TEX9: variants seen among roughly 807,000 people sequenced by gnomAD.
TEX9 encodes testis expressed 9.
A neutral mutation model predicts 59.6 loss-of-function variants in TEX9; 74 were observed. The ratio of observed to expected loss-of-function variants is 1.24; its 90% CI spans 1.03 to 1.51. The LOEUF (loss-of-function observed/expected upper bound fraction) is 1.51. Among genes scored for constraint, TEX9 ranks in the 40% most tolerant of loss-of-function variants. The pLI is 0.00. For missense variants in TEX9, 522 were observed against 447.8 expected (o/e 1.17, Z -1.49); for synonymous variants, 186 against 152.2 (o/e 1.22, Z -1.64).
the TEX9 span, among the ~76,000 whole-genome samples, chr15:56,458,924 C>G: frequency 6.6e-6 from 1 of 152,124 alleles, no homozygotes; most frequent in Non-Finnish European, 1.5e-5. Context: ...AACATTTGTG[C>G]TATGGCAGCT....
At position 56,384,044 on chromosome 15, in the gene TEX9, A is replaced by C; in HGVS notation, c.263+13A>C. On this transcript the variant is annotated intron_variant, in intron 4 of 12. Transcript: ENST00000352903. ...ATTACAGTTTAAGGTAAGTATCTTA[A>C]ATTCTCAAGCACCTTCTTTTAAAAG... 1 of 1,597,176 alleles carries C rather than the reference A, an allele frequency of 6.3e-7. No individual in the cohort carries two copies. The highest frequency in any genetic ancestry group is 2.2e-5 in the East Asian group (1 of 44,724).
intron 1 of TEX9, among the ~76,000 whole-genome samples, chr15:56,274,008 T>A (rs1444605445): frequency 6.6e-6 from 1 of 152,170 alleles, no homozygotes; most frequent in East Asian, 1.9e-4. Flanking sequence ...ATGTTAACCA[T>A]CTTCAACCAA....
intron 7 of TEX9, among the ~76,000 whole-genome samples, chr15:56,393,023 TA>T (rs1275371403): frequency 1.3e-5 from 2 of 152,128 alleles, no homozygotes; most frequent in African/African-American, 4.8e-5. Flanking sequence ...TTTGTAAGAT[TA>T]AAGCTAGGGT....
chr15:56,272,280 C>G (rs193146443), intron 1 of TEX9, among the ~76,000 whole-genome samples: 2 of 152,196 alleles, frequency 1.3e-5, no homozygotes, highest in African/African-American at 4.8e-5. Flanking sequence ...TTCCAATTCT[C>G]CCCTTGCTCC....
chr15:56,420,947 T>C (rs2049949641), intron 10 of TEX9, among the ~76,000 whole-genome samples: 2 of 151,774 alleles, frequency 1.3e-5, no homozygotes, highest in Admixed American at 1.3e-4. Context: ...TATGGATACT[T>C]TTTTTTGGCC....
chr15:56,329,743 A>G (rs1406774211), intron 1 of TEX9, among the ~76,000 whole-genome samples: 2 of 152,222 alleles, frequency 1.3e-5, no homozygotes, highest in African/African-American at 4.8e-5. Flanking sequence ...ATACACAGTT[A>G]GAGGAGACAA....
At chr15:56,429,337 C>G in intron 12 of TEX9, 1 of 578,344 alleles carries the variant, frequency 1.7e-6, no homozygotes, top group Non-Finnish European at 2.9e-6. Flanking sequence ...TTAAAAAAAT[C>G]AATACTTTTC....
chr15:56,268,907 C>A (rs774685554), intron 1 of TEX9, among the ~76,000 whole-genome samples: 1 of 152,006 alleles, frequency 6.6e-6, no homozygotes, highest in Non-Finnish European at 1.5e-5. Context: ...ATGGTACCAG[C>A]TCCTTTTTGT....
At chr15:56,404,208 T>C (rs1199965685) in intron 9 of TEX9, among the ~76,000 whole-genome samples, 1 of 152,152 alleles carries the variant, frequency 6.6e-6, no homozygotes, top group Non-Finnish European at 1.5e-5. Context: ...ACCTACAGAA[T>C]GGGAGAAAAT....
At chr15:56,421,829 G>A (rs1366107145) in intron 10 of TEX9, 1 of 151,502 alleles carries the variant, frequency 6.6e-6, no homozygotes, top group African/African-American at 2.4e-5. Flanking sequence ...GTATTCCGTG[G>A]TGTATATGTA....
chr15:56,372,914 C>T (rs180904408), intron 2 of TEX9, among the ~76,000 whole-genome samples: 7 of 152,024 alleles, frequency 4.6e-5, no homozygotes, highest in Non-Finnish European at 8.8e-5. Context: ...CCTTTATTTC[C>T]GAGGAAGCTT....
the TEX9 span, among the ~76,000 whole-genome samples, chr15:56,454,470 C>G: frequency 7.9e-5 from 12 of 151,714 alleles, no homozygotes; most frequent in Non-Finnish European, 1.8e-4. Flanking sequence ...TTTTTTGTAC[C>G]CAGGTAAATC....
At chr15:56,286,930 G>T (rs1031267329) in intron 1 of TEX9, among the ~76,000 whole-genome samples, 2 of 152,050 alleles carry the variant, frequency 1.3e-5, no homozygotes, top group Non-Finnish European at 2.9e-5. Context: ...AGGCAGATGA[G>T]ACAATTATTT....
intron 1 of TEX9, among the ~76,000 whole-genome samples, chr15:56,351,700 C>T (rs1016142248): frequency 6.6e-6 from 1 of 152,098 alleles, no homozygotes; most frequent in Non-Finnish European, 1.5e-5. Flanking sequence ...TTAGCAGTTA[C>T]CATAATATTG....
intron 9 of TEX9, among the ~76,000 whole-genome samples, chr15:56,399,600 G>C (rs542857462): frequency 1.9e-4 from 29 of 152,298 alleles, no homozygotes; most frequent in African/African-American, 7.0e-4. Flanking sequence ...AGGTCTGAAG[G>C]GAGCAGTGGT....
At chr15:56,373,601 C>A in intron 3 of TEX9, 97 bp downstream of exon 3, 2 of 943,234 alleles carry the variant, frequency 2.1e-6, no homozygotes, top group Non-Finnish European at 3.0e-6. Context: ...CTAGCCAAAG[C>A]ATGTGTGTTC....
chr15:56,275,108 T>C (rs1567070282), intron 1 of TEX9, among the ~76,000 whole-genome samples: 1 of 152,168 alleles, frequency 6.6e-6, no homozygotes, highest in African/African-American at 2.4e-5. Context: ...AGGGTGGTGC[T>C]TTCTTAATCC....
chr15:56,364,060 T>C (rs1448361761), upstream of TEX9, among the ~76,000 whole-genome samples: 1 of 152,150 alleles, frequency 6.6e-6, no homozygotes, highest in African/African-American at 2.4e-5. Context: ...GAATTTCCCC[T>C]CTTCCTGTGG....
At chr15:56,404,198 A>G (rs1191704383) in intron 9 of TEX9, among the ~76,000 whole-genome samples, 1 of 152,200 alleles carries the variant, frequency 6.6e-6, no homozygotes, top group Non-Finnish European at 1.5e-5. Context: ...TGAACAGCCA[A>G]CCTACAGAAT....
Sources: allele counts gnomAD v4.1 joint callset (sites outside exome capture counted in the v4.1 genomes callset), GRCh38; gene constraint gnomAD v4.1.1; transcripts MANE v1.5; gene names NCBI Gene and HGNC (gene_info 2026-07-23, HGNC 2026-07-21).